TAFA4: variants seen among roughly 807,000 people sequenced by gnomAD.
TAFA4 encodes TAFA chemokine like family member 4, also known as chemokine-like protein TAFA-4.
Under a neutral mutation model 21.1 loss-of-function variants are expected in TAFA4, and 20 were observed. The observed-to-expected ratio is 0.95, with a 90% confidence interval of 0.67 to 1.38. The LOEUF (loss-of-function observed/expected upper bound fraction) is 1.38, where lower values mean the gene tolerates loss of function less well. TAFA4 is among the 40% of genes most tolerant of loss of function. TAFA4 has a pLI of 0.00. For missense variants in TAFA4, 211 were observed against 180.9 expected, an observed-to-expected ratio of 1.17 and a Z score of -0.95; for synonymous variants, 71 against 67.4, an observed-to-expected ratio of 1.05 and a Z score of -0.26.
intron 3 of TAFA4, among the ~76,000 whole-genome samples, chr3:68,768,417 T>A (rs11925631): frequency 0.087 from 13,266 of 152,166 alleles, 693 homozygotes; most frequent in African/African-American, 0.14. Context: ...TCACTCCAGT[T>A]AGAATGCCTA....
chr3:68,835,170 C>A (rs149417611), intron 3 of TAFA4, among the ~76,000 whole-genome samples: 2 of 152,294 alleles, frequency 1.3e-5, no homozygotes, highest in East Asian at 3.9e-4. Context: ...ATCCAAATAG[C>A]ATCTGCTTAG....
rs531728021 is a variant in TAFA4 at position 68,836,265 on chromosome 3, C to T, written c.130+44465G>A. ...TTGCCTCAGGAATAATCCTCAATTCCGCCTGTCACCAGGATTGTTTGCCAA... is the reference window on the plus strand; with the variant it reads ...TTGCCTCAGGAATAATCCTCAATTCTGCCTGTCACCAGGATTGTTTGCCAA... On this transcript the variant is annotated intron_variant, in intron 3 of 5. Transcript: ENST00000295569. 5.8e-4 allele frequency among the ~76,000 whole-genome samples: 89 copies of T among 152,294 alleles called. 1 individual carries two copies. The South Asian group carries it at 0.014, about 24-fold the overall frequency.
intron 1 of TAFA4, among the ~76,000 whole-genome samples, chr3:68,926,639 G>A (rs932979202): frequency 4.6e-5 from 7 of 152,068 alleles, no homozygotes; most frequent in Non-Finnish European, 7.4e-5. Flanking sequence ...GCGGCCAGGC[G>A]TGGTGGCTCA....
intron 1 of TAFA4, among the ~76,000 whole-genome samples, chr3:68,905,826 T>C (rs1326949040): frequency 6.6e-6 from 1 of 152,228 alleles, no homozygotes; most frequent in Non-Finnish European, 1.5e-5. Context: ...TTTCAGATGG[T>C]GATAAGATCT....
At chr3:68,859,829 G>A (rs1044823279) in intron 3 of TAFA4, among the ~76,000 whole-genome samples, 4 of 152,070 alleles carry the variant, frequency 2.6e-5, no homozygotes, top group South Asian at 2.1e-4. Context: ...CCAATTGCAC[G>A]CCTAGCAAGA....
intron 4 of TAFA4, among the ~76,000 whole-genome samples, chr3:68,743,953 C>T (rs1702405375): frequency 6.6e-6 from 1 of 152,070 alleles, no homozygotes; most frequent in Non-Finnish European, 1.5e-5. Flanking sequence ...AGATTGGTTC[C>T]AAGTGGATAT....
chr3:68,792,936 C>T (rs955149855), intron 3 of TAFA4, among the ~76,000 whole-genome samples: 3 of 152,142 alleles, frequency 2.0e-5, no homozygotes, highest in African/African-American at 4.8e-5. Flanking sequence ...GCCATCTACA[C>T]AAAGGTAAAA....
intron 3 of TAFA4, among the ~76,000 whole-genome samples, chr3:68,785,846 G>C (rs1445591051): frequency 6.6e-6 from 1 of 152,192 alleles, no homozygotes; most frequent in African/African-American, 2.4e-5. Context: ...TCTCACTAGG[G>C]CACTTTTCTT....
At chr3:68,885,370 A>G (rs778198587) in intron 1 of TAFA4, 60 bp from the exon 2 acceptor site, 6 of 582,302 alleles carry the variant, frequency 1.0e-5, no homozygotes, top group African/African-American at 1.9e-5. Context: ...GTTAAAATGA[A>G]ACTAATTTCC....
chr3:68,931,327 G>T (rs981053348), intron 1 of TAFA4, among the ~76,000 whole-genome samples: 41 of 152,172 alleles, frequency 2.7e-4, no homozygotes, highest in Non-Finnish European at 3.8e-4. Flanking sequence ...GTCTCGGCGA[G>T]TCCGTGAACC....
At chr3:68,927,627 A>C (rs191792507) in intron 1 of TAFA4, among the ~76,000 whole-genome samples, 1 of 152,346 alleles carries the variant, frequency 6.6e-6, no homozygotes, top group East Asian at 1.9e-4. Context: ...AGCCAGGCAC[A>C]GTAGCTCATG....
intron 3 of TAFA4, among the ~76,000 whole-genome samples, chr3:68,787,791 CT>C (rs1703288069): frequency 6.6e-6 from 1 of 152,182 alleles, no homozygotes; most frequent in Non-Finnish European, 1.5e-5. Context: ...CATTATTTTC[CT>C]TAAAGAATGA....
intron 3 of TAFA4, among the ~76,000 whole-genome samples, chr3:68,834,617 T>A (rs1277919912): frequency 1.3e-5 from 2 of 152,054 alleles, no homozygotes; most frequent in Non-Finnish European, 2.9e-5. Flanking sequence ...AACTTCTGAT[T>A]TCCTCTTTCA....
At chr3:68,878,086 C>A (rs1179154087) in intron 3 of TAFA4, among the ~76,000 whole-genome samples, 1 of 152,172 alleles carries the variant, frequency 6.6e-6, no homozygotes, top group African/African-American at 2.4e-5. Flanking sequence ...TCCTTTCCTG[C>A]CTCATTTCCA....
At chr3:68,850,718 A>C (rs903339310) in intron 3 of TAFA4, among the ~76,000 whole-genome samples, 2 of 131,306 alleles carry the variant, frequency 1.5e-5, no homozygotes, top group Non-Finnish European at 3.3e-5. Flanking sequence ...TCCTTTGCCC[A>C]TTTTTAACAG....
chr3:68,788,617 A>G (rs886089572), intron 3 of TAFA4, among the ~76,000 whole-genome samples: 1 of 148,342 alleles, frequency 6.7e-6, no homozygotes, highest in Non-Finnish European at 1.5e-5. Flanking sequence ...GTGTTTACAT[A>G]TTTTTTTTTT....
intron 1 of TAFA4, among the ~76,000 whole-genome samples, chr3:68,886,195 T>C (rs1266080502): frequency 6.6e-6 from 1 of 152,210 alleles, no homozygotes; most frequent in Non-Finnish European, 1.5e-5. Flanking sequence ...CTGAGATTTT[T>C]CTCTTAGATA....
chr3:68,778,749 T>G (rs566566214), intron 3 of TAFA4, among the ~76,000 whole-genome samples: 5 of 152,218 alleles, frequency 3.3e-5, no homozygotes, highest in African/African-American at 1.2e-4. Flanking sequence ...GTAAATCCAA[T>G]TGAACCTCTT....
intron 3 of TAFA4, among the ~76,000 whole-genome samples, chr3:68,823,381 G>A (rs942693967): frequency 6.6e-6 from 1 of 152,164 alleles, no homozygotes; most frequent in African/African-American, 2.4e-5. Flanking sequence ...ATATGTTGAA[G>A]TGTCATTGAA....
Sources: gnomAD v4.1 joint callset for allele counts (sites outside exome capture counted in the v4.1 genomes callset) on GRCh38, gnomAD v4.1.1 for gene constraint, MANE v1.5 for transcripts, NCBI Gene and HGNC (gene_info 2026-07-23, HGNC 2026-07-21) for gene names.